The following PLPPR5 variants were observed in gnomAD, a reference collection of about 807,000 sequenced individuals.
PLPPR5 encodes phospholipid phosphatase-related protein type 5.
In PLPPR5, 16 loss-of-function variants were observed where a neutral mutation model predicts 33.9. The ratio of observed to expected loss-of-function variants is 0.47; its 90% CI spans 0.32 to 0.72. The LOEUF (loss-of-function observed/expected upper bound fraction) is 0.72, where lower values mean the gene tolerates loss of function less well. PLPPR5 is among the 30% of genes least tolerant of loss of function. The pLI, the probability that PLPPR5 is intolerant of heterozygous loss-of-function variation, is 0.03. For synonymous variants in PLPPR5, 163 were observed against 150.3 expected, an observed-to-expected ratio of 1.08 and a Z score of -0.62; for missense variants, 301 against 406.7, an observed-to-expected ratio of 0.74 and a Z score of 2.23.
chr1:98,925,492 A>C (rs1320624152), intron 3 of PLPPR5, among the ~76,000 whole-genome samples: 1 of 152,214 alleles, frequency 6.6e-6, no homozygotes, highest in East Asian at 1.9e-4. Context: ...CTCTTTGCTT[A>C]TACAAATATA....
In PLPPR5 at chr1:98,968,418, CAA is replaced by C. The variant is rs574711676; in HGVS notation, c.238-11679_238-11678del. ...ATTTTCCCCTCTTCTTTATCAACAA[CAA>C]AAAAGCAATATGATAAAATTTAAAT... On this transcript the variant is annotated intron_variant, in intron 1 of 5. Coordinates refer to ENST00000263177, the MANE Select transcript of PLPPR5 (RefSeq NM_001037317.2). Among the ~76,000 whole-genome samples, 362 of 151,702 alleles carry C rather than the reference CAA, an allele frequency of 2.4e-3. 3 individuals are homozygous for C. The highest frequency in any genetic ancestry group is 8.4e-3 in the African/African-American group (346 of 41,414).
chr1:98,948,050 C>T (rs956328033), intron 3 of PLPPR5, among the ~76,000 whole-genome samples: 1 of 152,158 alleles, frequency 6.6e-6, no homozygotes, highest in Non-Finnish European at 1.5e-5. Flanking sequence ...TGGAGCTTTT[C>T]ATTTGGCTCA....
chr1:98,980,255 T>C (rs975545885), intron 1 of PLPPR5, among the ~76,000 whole-genome samples: 1 of 152,122 alleles, frequency 6.6e-6, no homozygotes, highest in African/African-American at 2.4e-5. Flanking sequence ...GTTCTTGCCA[T>C]GCCATTAACA....
At chr1:98,987,923 C>G (rs1271837728) in intron 1 of PLPPR5, among the ~76,000 whole-genome samples, 3 of 151,876 alleles carry the variant, frequency 2.0e-5, no homozygotes, top group East Asian at 3.9e-4. Context: ...CTTTCATGAA[C>G]AAAAATTGAA....
intron 1 of PLPPR5, among the ~76,000 whole-genome samples, chr1:99,003,041 T>A (rs1221109612): frequency 1.5e-5 from 2 of 132,470 alleles, no homozygotes; most frequent in Non-Finnish European, 3.1e-5. Flanking sequence ...TAACACATTT[T>A]AGCAACTTAT....
chr1:99,002,161 C>G (rs540377425), intron 1 of PLPPR5, among the ~76,000 whole-genome samples: 1 of 152,180 alleles, frequency 6.6e-6, no homozygotes, highest in South Asian at 2.1e-4. Context: ...TGACAGAGTG[C>G]ACTATTCCTA....
intron 3 of PLPPR5, among the ~76,000 whole-genome samples, chr1:98,938,808 A>G (rs1290557047): frequency 6.6e-6 from 1 of 152,152 alleles, no homozygotes; most frequent in Non-Finnish European, 1.5e-5. Context: ...AAAATAAATG[A>G]GATCATGTCC....
intron 3 of PLPPR5, among the ~76,000 whole-genome samples, chr1:98,922,266 T>C (rs309048): frequency 0.015 from 2,314 of 152,356 alleles, 57 homozygotes; most frequent in African/African-American, 0.053. Flanking sequence ...TTACCTCGTA[T>C]GGCAATCTCT....
intron 3 of PLPPR5, among the ~76,000 whole-genome samples, chr1:98,924,688 T>C (rs1854510): frequency 0.5 from 75,814 of 152,002 alleles, 19,785 homozygotes; most frequent in East Asian, 0.76. Context: ...TAGTAAAATG[T>C]GGGCTTGGGC....
rs1553173326 is a variant in PLPPR5, at chr1:99,001,671, G to GATATATATATATATATAGATATATATAT, written c.237+2763_237+2764insATATATATATCTATATATATATATATAT. 6.7e-4 allele frequency among the ~76,000 whole-genome samples: 68 copies of GATATATATATATATATAGATATATATAT among 102,176 alleles called. 1 individual carries two copies. The highest frequency in any genetic ancestry group is 1.2e-3 in the Non-Finnish European group (61 of 52,368). 67.0% of individuals were successfully genotyped at this position (102,176 alleles called of 152,430 possible). On this transcript the variant is annotated intron_variant, in intron 1 of 5. Coordinates refer to ENST00000263177, the MANE Select transcript of PLPPR5 (RefSeq NM_001037317.2). ...ACTAGAAATGAGTTTGAAAGTTAAAGATATATATATATATATATATATATA... is the reference window on the plus strand; with the variant it reads ...ACTAGAAATGAGTTTGAAAGTTAAAGATATATATATATATATAGATATATATATATATATATATATATATATATATATA...
chr1:98,899,937 A>T (rs1648630346), intron 5 of PLPPR5, among the ~76,000 whole-genome samples: 1 of 152,068 alleles, frequency 6.6e-6, no homozygotes, highest in Admixed American at 6.6e-5. Context: ...GTATCCATGC[A>T]CTTTGTCTTC....
intron 3 of PLPPR5, among the ~76,000 whole-genome samples, chr1:98,929,856 A>T (rs1275222644): frequency 6.6e-6 from 1 of 152,230 alleles, no homozygotes; most frequent in Non-Finnish European, 1.5e-5. Flanking sequence ...AGAACCACAC[A>T]TATTCACCAC....
intron 1 of PLPPR5, among the ~76,000 whole-genome samples, chr1:98,995,319 G>A (rs1471104028): frequency 1.3e-5 from 2 of 152,062 alleles, no homozygotes; most frequent in East Asian, 3.9e-4. Flanking sequence ...TAAAGGTGAA[G>A]GGTGAGAGGA....
intron 1 of PLPPR5, among the ~76,000 whole-genome samples, chr1:99,002,989 G>C (rs1652914436): frequency 6.9e-6 from 1 of 145,166 alleles, no homozygotes; most frequent in South Asian, 2.2e-4. Flanking sequence ...TTGTCAAATG[G>C]AGAAAAGAGA....
chr1:99,003,695 C>A (rs551323617), intron 1 of PLPPR5, among the ~76,000 whole-genome samples: 1 of 152,276 alleles, frequency 6.6e-6, no homozygotes, highest in Non-Finnish European at 1.5e-5. Context: ...CTCACACACA[C>A]ATACACTCAA....
At chr1:98,922,896 A>C (rs988724623) in intron 3 of PLPPR5, among the ~76,000 whole-genome samples, 1 of 152,082 alleles carries the variant, frequency 6.6e-6, no homozygotes, top group Non-Finnish European at 1.5e-5. Context: ...GAGGCAGGAG[A>C]ATGGCATGAA....
Position 98,890,615 on chromosome 1 carries a change from G to A in PLPPR5, c.*2457C>T, listed in dbSNP as rs1648239411. On this transcript the variant is annotated 3_prime_UTR_variant, in exon 6 of 6. Transcript: ENST00000263177. ...AGATGTTTTTATCAGAAAGATATGTGTTTGCCTGCTTTTACTAGACTACAT... is the reference window on the plus strand; with the variant it reads ...AGATGTTTTTATCAGAAAGATATGTATTTGCCTGCTTTTACTAGACTACAT... The A allele has an allele frequency of 6.6e-6, 1 of 152,534 alleles. No individual in the cohort carries two copies. The highest frequency in any genetic ancestry group is 2.4e-5 in the African/African-American group (1 of 41,422). 9.4% of individuals were successfully genotyped at this position (152,534 alleles called of 1,614,324 possible).
chr1:98,972,612 TA>T (rs1477525605), intron 1 of PLPPR5, among the ~76,000 whole-genome samples: 1 of 152,118 alleles, frequency 6.6e-6, no homozygotes. Flanking sequence ...TAATAATTAT[TA>T]ATTGAACTTA....
intron 3 of PLPPR5, among the ~76,000 whole-genome samples, chr1:98,945,994 G>T (rs1224791431): frequency 6.6e-6 from 1 of 152,096 alleles, no homozygotes; most frequent in Non-Finnish European, 1.5e-5. Context: ...CAGAGTCCCA[G>T]CTTACTCCAT....
Sources: allele counts gnomAD v4.1 joint callset (sites outside exome capture counted in the v4.1 genomes callset), GRCh38; gene constraint gnomAD v4.1.1; transcripts MANE v1.5; gene names NCBI Gene and HGNC (gene_info 2026-07-23, HGNC 2026-07-21).